RALGPS1: variants seen among roughly 807,000 people sequenced by gnomAD.
The protein encoded by RALGPS1 is ras-specific guanine nucleotide-releasing factor RalGPS1.
A neutral mutation model predicts 78.8 loss-of-function variants in RALGPS1; 19 were observed. That is an observed-to-expected ratio of 0.24 (90% CI 0.17 to 0.35). The LOEUF (loss-of-function observed/expected upper bound fraction) is 0.35, where lower values mean the gene tolerates loss of function less well. Among genes scored for constraint, RALGPS1 ranks in the 10% least tolerant of loss-of-function variants. The pLI is 1.00. For missense variants in RALGPS1, 454 were observed against 688.3 expected (o/e 0.66, Z 3.81); for synonymous variants, 228 against 256.3 (o/e 0.89, Z 1.06).
chr9:127,009,892 A>G (rs1033276943), intron 4 of RALGPS1, among the ~76,000 whole-genome samples: 2 of 152,176 alleles, frequency 1.3e-5, no homozygotes, highest in African/African-American at 4.8e-5. Context: ...GGAGGGAGGC[A>G]GGGAAGCAAA....
chr9:127,030,481 T>C (rs2046334996), intron 4 of RALGPS1, among the ~76,000 whole-genome samples: 1 of 152,044 alleles, frequency 6.6e-6, no homozygotes, highest in Non-Finnish European at 1.5e-5. Flanking sequence ...GAAGGGGCGC[T>C]AATTTCCTAG....
intron 1 of RALGPS1, among the ~76,000 whole-genome samples, chr9:126,918,716 A>G (rs1186416596): frequency 3.4e-5 from 5 of 146,052 alleles, no homozygotes; most frequent in Admixed American, 1.4e-4. Flanking sequence ...CTTGTTGCCC[A>G]GGCTGGAGTG....
chr9:127,121,507 G>A (rs773111754), intron 8 of RALGPS1, among the ~76,000 whole-genome samples: 1 of 152,250 alleles, frequency 6.6e-6, no homozygotes, highest in Non-Finnish European at 1.5e-5. Context: ...TAATCCTACA[G>A]CAGAGGCAAG....
At chr9:126,942,994 G>T (rs1461978113) in intron 1 of RALGPS1, among the ~76,000 whole-genome samples, 1 of 152,088 alleles carries the variant, frequency 6.6e-6, no homozygotes, top group Admixed American at 6.5e-5. Flanking sequence ...TTGTACAGAG[G>T]AAATTGTTGA....
intron 14 of RALGPS1, among the ~76,000 whole-genome samples, chr9:127,199,577 G>GAGGATCCCTCTGCCTCCCTCA (rs1564779684): frequency 6.6e-6 from 1 of 151,890 alleles, no homozygotes; most frequent in Non-Finnish European, 1.5e-5. Flanking sequence ...TGCCTCCCTC[G>GAGGATCCCTCTGCCTCCCTCA]AGGATCCCTC....
intron 4 of RALGPS1, among the ~76,000 whole-genome samples, chr9:127,026,099 C>A (rs374010366): frequency 6.6e-6 from 1 of 152,020 alleles, no homozygotes; most frequent in Non-Finnish European, 1.5e-5. Context: ...TTAACTCACA[C>A]GATCACAGGG....
In RALGPS1 at chr9:127,073,937, A is replaced by G. The variant is rs1324062200; in HGVS notation, c.610+4581A>G. Among the ~76,000 whole-genome samples, 4 of 152,118 alleles carry G rather than the reference A, an allele frequency of 2.6e-5. No individual in the cohort carries two copies. The South Asian group carries it at 6.2e-4, about 24-fold the overall frequency. ...ACCCTTGTTGCCCAGGCTGGAGTGCAGTGGCGCCGTCTCGGCTCACTGCAA... is the reference window on the plus strand; with the variant it reads ...ACCCTTGTTGCCCAGGCTGGAGTGCGGTGGCGCCGTCTCGGCTCACTGCAA... On this transcript the variant is annotated intron_variant, in intron 8 of 18. Transcript: ENST00000259351.
chr9:127,150,081 G>A (rs1432373167), intron 8 of RALGPS1, among the ~76,000 whole-genome samples: 1 of 152,226 alleles, frequency 6.6e-6, no homozygotes, highest in Non-Finnish European at 1.5e-5. Flanking sequence ...GTATGATCTT[G>A]AACAAGCAAC....
chr9:127,204,947 C>A (rs1352119869), intron 14 of RALGPS1, among the ~76,000 whole-genome samples: 1 of 152,236 alleles, frequency 6.6e-6, no homozygotes, highest in Non-Finnish European at 1.5e-5. Context: ...TTGGGAGAGG[C>A]AGGCCAGGCT....
intron 11 of RALGPS1, among the ~76,000 whole-genome samples, chr9:127,182,621 G>T (rs2060346240): frequency 6.6e-6 from 1 of 151,900 alleles, no homozygotes; most frequent in South Asian, 2.1e-4. Flanking sequence ...GTAGAGATGG[G>T]TTTCACTATG....
chr9:127,087,396 TG>T (rs2051883231), intron 8 of RALGPS1: 1 of 152,566 alleles, frequency 6.6e-6, no homozygotes, highest in Admixed American at 6.5e-5. Context: ...AAGGATAATC[TG>T]GGAATATATT....
At chr9:127,069,475 C>A in intron 8 of RALGPS1, 119 bp downstream of exon 8, 1 of 1,195,366 alleles carries the variant, frequency 8.4e-7, no homozygotes, top group Non-Finnish European at 1.2e-6. Context: ...GATAAAGAGG[C>A]AATTGGTTGG....
At chr9:126,953,916 A>G (rs1046537304) in intron 1 of RALGPS1, among the ~76,000 whole-genome samples, 1 of 152,166 alleles carries the variant, frequency 6.6e-6, no homozygotes, top group African/African-American at 2.4e-5. Flanking sequence ...TGTGATGGAC[A>G]TGGGACTGGG....
chr9:127,096,443 C>G (rs529174275), intron 8 of RALGPS1, among the ~76,000 whole-genome samples: 1 of 152,202 alleles, frequency 6.6e-6, no homozygotes, highest in African/African-American at 2.4e-5. Context: ...CAGCCTCTTA[C>G]TGCACAGCTG....
chr9:127,069,254 A>G lies in RALGPS1; in HGVS notation c.508A>G (p.Thr170Ala), dbSNP rs1371224449. The change falls in exon 8 of 19, where the codon ACC becomes GCC. Residue 170 changes from threonine (T) to alanine (A), a missense_variant. Coordinates refer to ENST00000259351, the MANE Select transcript of RALGPS1 (RefSeq NM_014636.3). ...WALLNRKDKT[T>A]FEKLDYLMSK... ...GCTTTTAAATCGAAAAGACAAGACT[A>G]CCTTTGAGAAATTGGACTACCTGAT... 3.1e-6 allele frequency: 5 copies of G among 1,610,462 alleles called. No individual in the cohort carries two copies. The highest frequency in any genetic ancestry group is 4.2e-6 in the Non-Finnish European group (5 of 1,176,926).
At chr9:127,130,706 T>C (rs1404912398) in intron 8 of RALGPS1, among the ~76,000 whole-genome samples, 1 of 152,216 alleles carries the variant, frequency 6.6e-6, no homozygotes, top group Non-Finnish European at 1.5e-5. Context: ...GCAACAACCT[T>C]ATGAGCTACG....
chr9:126,980,148 C>G (rs1007272917), intron 4 of RALGPS1, among the ~76,000 whole-genome samples: 4 of 152,148 alleles, frequency 2.6e-5, no homozygotes, highest in Non-Finnish European at 5.9e-5. Flanking sequence ...AGCTTTTTTG[C>G]TGATGTTATT....
At chr9:127,175,932 C>A (rs1310980228) in intron 11 of RALGPS1, among the ~76,000 whole-genome samples, 8 of 152,168 alleles carry the variant, frequency 5.3e-5, no homozygotes, top group Non-Finnish European at 1.2e-4. Flanking sequence ...CTGCTGGACA[C>A]AGGACCACAG....
At chr9:127,199,155 T>C (rs1588513135) in intron 14 of RALGPS1, 89 bp downstream of exon 14, 1 of 1,220,998 alleles carries the variant, frequency 8.2e-7, no homozygotes, top group South Asian at 1.2e-5. Context: ...GGACGGGCCC[T>C]GCCCCACCCA....
Sources: gnomAD v4.1 joint callset for allele counts (sites outside exome capture counted in the v4.1 genomes callset) on GRCh38, gnomAD v4.1.1 for gene constraint, MANE v1.5 for transcripts, NCBI Gene and HGNC (gene_info 2026-07-23, HGNC 2026-07-21) for gene names.